The following FHIT variants were observed in gnomAD, a reference collection of about 807,000 sequenced individuals.
FHIT encodes the protein fragile histidine triad diadenosine triphosphatase, also known as bis(5'-adenosyl)-triphosphatase.
Under a neutral mutation model 17.9 loss-of-function variants are expected in FHIT, and 19 were observed. The observed-to-expected ratio is 1.06, with a 90% CI of 0.74 to 1.56. The LOEUF (loss-of-function observed/expected upper bound fraction) is 1.56. FHIT is among the 40% of genes most tolerant of loss of function. FHIT has a pLI of 0.00. For missense variants in FHIT, 248 were observed against 189.2 expected (o/e 1.31, Z -1.82); for synonymous variants, 81 against 69.7 (o/e 1.16, Z -0.81).
At chr3:60,556,078 A>G (rs1417797821) in intron 4 of FHIT, among the ~76,000 whole-genome samples, 1 of 152,170 alleles carries the variant, frequency 6.6e-6, no homozygotes, top group Admixed American at 6.5e-5. Flanking sequence ...AGAGTTCTCA[A>G]AGGGAACACT....
At chr3:61,038,453 T>C (rs1450184928) in intron 3 of FHIT, among the ~76,000 whole-genome samples, 2 of 152,210 alleles carry the variant, frequency 1.3e-5, no homozygotes, top group Non-Finnish European at 2.9e-5. Flanking sequence ...GTTAAGAGAC[T>C]TAAGGAACAT....
intron 2 of FHIT, among the ~76,000 whole-genome samples, chr3:61,116,710 C>T (rs976167071): frequency 2.0e-5 from 3 of 151,720 alleles, no homozygotes; most frequent in African/African-American, 7.2e-5. Context: ...TTTCAAAGCA[C>T]CATAATTTGA....
intron 5 of FHIT, among the ~76,000 whole-genome samples, chr3:60,490,443 C>G (rs1343415411): frequency 6.6e-6 from 1 of 151,698 alleles, no homozygotes; most frequent in Non-Finnish European, 1.5e-5. Context: ...TATATAACAA[C>G]CTATTATTTA....
At chr3:60,383,530 T>C (rs921726916) in intron 5 of FHIT, among the ~76,000 whole-genome samples, 2 of 152,042 alleles carry the variant, frequency 1.3e-5, no homozygotes, top group African/African-American at 4.8e-5. Flanking sequence ...CTGGAAAACT[T>C]CCTGCAACAA....
chr3:61,251,064 G>A (rs1373957662), intron 1 of FHIT, among the ~76,000 whole-genome samples: 1 of 152,208 alleles, frequency 6.6e-6, no homozygotes, highest in Non-Finnish European at 1.5e-5. Context: ...TTTCCCCAAT[G>A]TATAAACACG....
intron 5 of FHIT, among the ~76,000 whole-genome samples, chr3:60,057,250 G>A (rs1362609094): frequency 6.6e-6 from 1 of 152,112 alleles, no homozygotes; most frequent in Non-Finnish European, 1.5e-5. Context: ...CGCCAAAGAA[G>A]TAGACTAGGG....
chr3:60,162,643 A>G (rs1700990075), intron 5 of FHIT, among the ~76,000 whole-genome samples: 1 of 152,194 alleles, frequency 6.6e-6, no homozygotes, highest in Non-Finnish European at 1.5e-5. Context: ...TATGAAATGC[A>G]TTTCATTTTT....
chr3:60,969,094 A>C (rs531234648), intron 3 of FHIT, among the ~76,000 whole-genome samples: 1 of 152,046 alleles, frequency 6.6e-6, no homozygotes, highest in Non-Finnish European at 1.5e-5. Flanking sequence ...ATGTGAGTTT[A>C]CATATAACTG....
At chr3:59,894,724 G>A (rs1392297958) in intron 8 of FHIT, among the ~76,000 whole-genome samples, 1 of 152,206 alleles carries the variant, frequency 6.6e-6, no homozygotes, top group Non-Finnish European at 1.5e-5. Context: ...GCATTGCAAA[G>A]TGATCAATTT....
chr3:60,442,549 T>C lies in FHIT; in HGVS notation c.103+94311A>G, dbSNP rs2030980723. ...TAGGGAATCCTTTCCCCATTTCTTG[T>C]TTATGTCAGGTTTGCCTAAGATCAG... On this transcript the variant is annotated intron_variant, in intron 5 of 9. Coordinates refer to ENST00000492590, the MANE Select transcript of FHIT (RefSeq NM_002012.4). Among the ~76,000 whole-genome samples, 2 of 152,328 alleles carry C rather than the reference T, an allele frequency of 1.3e-5. 1 individual carries two copies. Among genetic ancestry groups the C allele is most frequent in the South Asian group, 4.1e-4 (2 of 4,830 alleles).
In FHIT at chr3:60,858,236, G is replaced by C. The variant is rs371869939; in HGVS notation, c.-110-36225C>G. Among the ~76,000 whole-genome samples the C allele has an allele frequency of 2.0e-4, 31 of 152,234 alleles. No individual in the cohort carries two copies. In the South Asian group the frequency reaches 6.4e-3, roughly 32 times the overall value. On this transcript the variant is annotated intron_variant, in intron 3 of 9. Transcript: ENST00000492590. Reference sequence around the variant, plus strand: ...ATAGAGAAAGGCAGTATTCCACAGAGAAGGAGACAGGAAAAAAGAACAGGC... The same window carrying C: ...ATAGAGAAAGGCAGTATTCCACAGACAAGGAGACAGGAAAAAAGAACAGGC...
intron 5 of FHIT, among the ~76,000 whole-genome samples, chr3:60,032,455 AAAAATAAT>A (rs1035610188): frequency 3.3e-4 from 50 of 151,946 alleles, no homozygotes; most frequent in African/African-American, 1.2e-3. Flanking sequence ...GTACCTTGAA[AAAAATAAT>A]AAAAATAAAA....
chr3:60,279,642 T>C (rs1018525691), intron 5 of FHIT, among the ~76,000 whole-genome samples: 1 of 152,106 alleles, frequency 6.6e-6, no homozygotes, highest in African/African-American at 2.4e-5. Flanking sequence ...TTAATATCGC[T>C]CGTGAACATG....
chr3:60,233,039 AG>A (rs1704582652), intron 5 of FHIT, among the ~76,000 whole-genome samples: 1 of 152,192 alleles, frequency 6.6e-6, no homozygotes, highest in Non-Finnish European at 1.5e-5. Flanking sequence ...GTGACTGGGA[AG>A]GGGTGCAGCT....
chr3:60,317,489 T>C (rs563972261), intron 5 of FHIT, among the ~76,000 whole-genome samples: 2 of 150,896 alleles, frequency 1.3e-5, no homozygotes, highest in Non-Finnish European at 2.9e-5. Flanking sequence ...ACAGCAAAGC[T>C]ACTAACATGC....
intron 3 of FHIT, among the ~76,000 whole-genome samples, chr3:60,887,882 T>G (rs1705305565): frequency 6.6e-6 from 1 of 152,098 alleles, no homozygotes; most frequent in African/African-American, 2.4e-5. Context: ...AAAGGAAATT[T>G]CCCTTACAAA....
At chr3:60,174,988 G>A (rs1394833328) in intron 5 of FHIT, among the ~76,000 whole-genome samples, 1 of 152,166 alleles carries the variant, frequency 6.6e-6, no homozygotes, top group Non-Finnish European at 1.5e-5. Context: ...CTGTGTGAAC[G>A]AAAGGATAGG....
chr3:60,620,420 A>G (rs141048604), intron 4 of FHIT, among the ~76,000 whole-genome samples: 5 of 152,304 alleles, frequency 3.3e-5, no homozygotes, highest in African/African-American at 4.8e-5. Flanking sequence ...AAGTGAATGA[A>G]TAAACAAATC....
chr3:60,288,566 AGT>A (rs139336094), intron 5 of FHIT, among the ~76,000 whole-genome samples: 13,788 of 144,360 alleles, frequency 0.096, 1,514 homozygotes, highest in African/African-American at 0.28. Flanking sequence ...GTTCTGGCAC[AGT>A]GTGTGTGTGT....
Sources: gnomAD v4.1 joint callset for allele counts (sites outside exome capture counted in the v4.1 genomes callset) on GRCh38, gnomAD v4.1.1 for gene constraint, MANE v1.5 for transcripts, NCBI Gene and HGNC (gene_info 2026-07-23, HGNC 2026-07-21) for gene names.